The following ASIC2 variants were observed in gnomAD, a reference collection of about 807,000 sequenced individuals.
The protein encoded by ASIC2 is acid sensing ion channel subunit 2.
In ASIC2, 25 loss-of-function variants were observed where a neutral mutation model predicts 57.3. The ratio of observed to expected loss-of-function variants is 0.44; its 90% CI spans 0.32 to 0.61. The LOEUF is 0.61. ASIC2 is among the 20% of genes least tolerant of loss of function. The probability of loss-of-function intolerance (pLI) is 0.06; values close to 1 mark genes in which losing one functional copy is unlikely to be tolerated. For synonymous variants in ASIC2, 319 were observed against 307.5 expected (o/e 1.04, Z -0.39); for missense variants, 641 against 738.1 (o/e 0.87, Z 1.52).
At chr17:33,268,217 A>T (rs1228932263) in intron 1 of ASIC2, among the ~76,000 whole-genome samples, 1 of 152,056 alleles carries the variant, frequency 6.6e-6, no homozygotes, top group Non-Finnish European at 1.5e-5. Context: ...GAGCAATCTG[A>T]TGTCTTTCCA....
At chr17:33,697,328 C>A (rs1908559236) in intron 1 of ASIC2, among the ~76,000 whole-genome samples, 1 of 152,204 alleles carries the variant, frequency 6.6e-6, no homozygotes, top group Non-Finnish European at 1.5e-5. Flanking sequence ...AGCTCATCAT[C>A]TTCACTTTGA....
intron 2 of ASIC2, among the ~76,000 whole-genome samples, chr17:33,110,889 C>A (rs1450966056): frequency 6.6e-6 from 1 of 152,180 alleles, no homozygotes; most frequent in African/African-American, 2.4e-5. Context: ...CACTCCCCTG[C>A]AGGCTGCTCC....
At chr17:34,062,239 T>C (rs1327288033) in intron 1 of ASIC2, among the ~76,000 whole-genome samples, 5 of 151,982 alleles carry the variant, frequency 3.3e-5, no homozygotes, top group African/African-American at 9.7e-5. Flanking sequence ...ACCATGCAAA[T>C]ACATGGAAAT....
At position 33,459,564 on chromosome 17, in the gene ASIC2, C is replaced by G. The variant is rs921178866; in HGVS notation, c.556-347497G>C. ...GAGCAGGGCGAGAAGCTGAAAGCATCGAGGCAAAGAGAGATAAAAGGATAT... is the reference window on the plus strand; with the variant it reads ...GAGCAGGGCGAGAAGCTGAAAGCATGGAGGCAAAGAGAGATAAAAGGATAT... On this transcript the variant is annotated intron_variant, in intron 1 of 9. Transcript: ENST00000359872. 2.6e-5 allele frequency among the ~76,000 whole-genome samples: 4 copies of G among 152,302 alleles called. No individual in the cohort carries two copies. In the South Asian group the frequency reaches 8.3e-4, roughly 32 times the overall value.
At chr17:33,783,166 A>T (rs1270939050) in intron 1 of ASIC2, among the ~76,000 whole-genome samples, 3 of 152,158 alleles carry the variant, frequency 2.0e-5, no homozygotes, top group Admixed American at 6.5e-5. Context: ...GATCTCACTT[A>T]CCTGCTTACC....
At chr17:33,330,023 C>T (rs962506070) in intron 1 of ASIC2, among the ~76,000 whole-genome samples, 1 of 152,182 alleles carries the variant, frequency 6.6e-6, no homozygotes, top group African/African-American at 2.4e-5. Context: ...GTGTTCTCAT[C>T]ATGGCTCTGT....
At chr17:33,506,677 G>A (rs1396247428) in intron 1 of ASIC2, among the ~76,000 whole-genome samples, 2 of 152,190 alleles carry the variant, frequency 1.3e-5, no homozygotes, top group Admixed American at 6.5e-5. Context: ...CACTAAACCA[G>A]GGTATACTGT....
chr17:34,036,008 T>C (rs1347102549), intron 1 of ASIC2, among the ~76,000 whole-genome samples: 1 of 152,080 alleles, frequency 6.6e-6, no homozygotes, highest in African/African-American at 2.4e-5. Flanking sequence ...AGAAATACCA[T>C]TTGACCCAGC....
At chr17:33,708,386 T>G (rs1031964772) in intron 1 of ASIC2, among the ~76,000 whole-genome samples, 2 of 143,036 alleles carry the variant, frequency 1.4e-5, no homozygotes, top group East Asian at 3.8e-4. Flanking sequence ...TATTTCTCTG[T>G]TTTTTTTCCT....
At chr17:33,962,309 C>T (rs1227276157) in intron 1 of ASIC2, among the ~76,000 whole-genome samples, 1 of 152,136 alleles carries the variant, frequency 6.6e-6, no homozygotes, top group African/African-American at 2.4e-5. Context: ...TGTGTATCAA[C>T]AAAGCCCTCC....
intron 1 of ASIC2, among the ~76,000 whole-genome samples, chr17:34,009,716 G>A (rs1344399964): frequency 6.6e-6 from 1 of 152,196 alleles, no homozygotes; most frequent in African/African-American, 2.4e-5. Flanking sequence ...TCTGCTAAAT[G>A]TTTAAAAACA....
chr17:33,235,703 G>C (rs1289633696), intron 1 of ASIC2, among the ~76,000 whole-genome samples: 3 of 152,122 alleles, frequency 2.0e-5, no homozygotes, highest in African/African-American at 7.2e-5. Flanking sequence ...CTCCATGGAG[G>C]CAGCCCTGAA....
At chr17:34,088,747 G>A (rs368252281) in intron 1 of ASIC2, among the ~76,000 whole-genome samples, 24 of 152,302 alleles carry the variant, frequency 1.6e-4, no homozygotes, top group East Asian at 5.8e-4. Flanking sequence ...AATGGCGGGC[G>A]CCCCTCCCCA....
rs1480231115 is a variant in ASIC2 at position 33,292,064 on chromosome 17, C to T, written c.52G>A (p.Gly18Arg). ...TCCTCGCGGGCCATGCGGAAGCGTC[C>T]CGGGCCGGTGAGCGCGGCTGCGGGC... Reference protein sequence around the residue: ...GLPAAALTGPGRFRMAREEPA... With the variant: ...GLPAAALTGPRRFRMAREEPA... The change falls in exon 1 of 10, where the codon GGA becomes AGA. Residue 18 changes from glycine (G) to arginine (R), a missense_variant. Physicochemically the swap from Gly to Arg is moderately radical, Grantham distance 125. Transcript: ENST00000225823. The T allele has an allele frequency of 1.8e-6, 2 of 1,096,924 alleles. No homozygotes were observed. The highest frequency in any genetic ancestry group is 1.1e-6 in the Non-Finnish European group (1 of 904,730). 67.9% of individuals were successfully genotyped at this position (1,096,924 alleles called of 1,614,324 possible). A position where few individuals can be genotyped will look rare whatever the true frequency, so the allele number is the denominator to read the frequency against.
intron 1 of ASIC2, among the ~76,000 whole-genome samples, chr17:33,350,705 A>AAGAAAGAAAGAAAGAAAGAAAGAAAGAG (rs1275649626): frequency 9.9e-5 from 15 of 152,104 alleles, no homozygotes; most frequent in African/African-American, 3.1e-4. Flanking sequence ...GAAAGAAAGA[A>AAGAAAGAAAGAAAGAAAGAAAGAAAGAG]AGAAAGAAAT....
At chr17:33,950,529 G>T (rs1204158475) in intron 1 of ASIC2, among the ~76,000 whole-genome samples, 1 of 152,242 alleles carries the variant, frequency 6.6e-6, no homozygotes, top group Admixed American at 6.5e-5. Flanking sequence ...CTGAAGGGAA[G>T]GTGGGGTTGG....
At chr17:33,792,262 C>A (rs188176029) in intron 1 of ASIC2, 1 of 152,270 alleles carries the variant, frequency 6.6e-6, no homozygotes, top group Non-Finnish European at 1.5e-5. Flanking sequence ...ACTCCATTCT[C>A]CACTGTTCAG....
At chr17:33,833,381 A>G (rs1913174844) in intron 1 of ASIC2, among the ~76,000 whole-genome samples, 5 of 152,178 alleles carry the variant, frequency 3.3e-5, no homozygotes, top group Admixed American at 3.3e-4. Context: ...AAAGAAGAAG[A>G]GGAAAAGGGG....
intron 1 of ASIC2, among the ~76,000 whole-genome samples, chr17:33,310,888 A>G (rs566072352): frequency 7.9e-5 from 12 of 152,328 alleles, no homozygotes; most frequent in African/African-American, 2.4e-4. Context: ...CTCTATATCT[A>G]TCTACATATA....
Sources: gnomAD v4.1 joint callset for allele counts (sites outside exome capture counted in the v4.1 genomes callset) on GRCh38, gnomAD v4.1.1 for gene constraint, MANE v1.5 for transcripts, NCBI Gene and HGNC (gene_info 2026-07-23, HGNC 2026-07-21) for gene names.